The following CERT1 variants were observed in gnomAD, a reference collection of about 807,000 sequenced individuals.
The protein encoded by CERT1 is ceramide transfer protein.
A neutral mutation model predicts 87.9 loss-of-function variants in CERT1; 31 were observed. That is an observed-to-expected ratio of 0.35 (90% confidence interval 0.27 to 0.48). CERT1 has a LOEUF of 0.48. Ranked by LOEUF, CERT1 falls within the 20% of genes least tolerant of loss-of-function variation. The probability of loss-of-function intolerance (pLI) is 0.99; values close to 1 mark genes in which losing one functional copy is unlikely to be tolerated. For missense variants in CERT1, 487 were observed against 758.0 expected (o/e 0.64, Z 4.20); for synonymous variants, 289 against 250.9 (o/e 1.15, Z -1.44).
intron 2 of CERT1, among the ~76,000 whole-genome samples, chr5:75,479,234 T>G (rs1228051342): frequency 6.6e-6 from 1 of 152,174 alleles, no homozygotes; most frequent in Non-Finnish European, 1.5e-5. Flanking sequence ...GGGTGAGGCA[T>G]CATAAATAAT....
intron 3 of CERT1, among the ~76,000 whole-genome samples, chr5:75,427,851 C>G (rs1049028275): frequency 6.6e-6 from 1 of 151,846 alleles, no homozygotes; most frequent in Admixed American, 6.6e-5. Flanking sequence ...AACAAAGGAA[C>G]AAAAAGCTAC....
intron 11 of CERT1, among the ~76,000 whole-genome samples, chr5:75,390,367 CA>C (rs1216021795): frequency 1.3e-5 from 2 of 152,032 alleles, no homozygotes; most frequent in Non-Finnish European, 2.9e-5. Context: ...ATTTTGGGGA[CA>C]ATGCTAATAT....
chr5:75,423,571 T>TAA (rs1763478206), intron 5 of CERT1, among the ~76,000 whole-genome samples: 1 of 152,072 alleles, frequency 6.6e-6, no homozygotes, highest in Admixed American at 6.6e-5. Context: ...CGAGACCTCA[T>TAA]CTCTACAAAA....
chr5:75,410,897 A>G, intron 8 of CERT1, 114 bp downstream of exon 8: 1 of 511,062 alleles, frequency 2.0e-6, no homozygotes, highest in Non-Finnish European at 3.3e-6. Context: ...ATAAACACTG[A>G]GGAAAAAATT....
chr5:75,385,548 G>A (rs1235922305), intron 13 of CERT1, among the ~76,000 whole-genome samples: 1 of 152,228 alleles, frequency 6.6e-6, no homozygotes, highest in East Asian at 1.9e-4. Flanking sequence ...TTAGGAAAGA[G>A]TAGATGATGA....
chr5:75,407,955 A>G (rs1762782793), intron 8 of CERT1, among the ~76,000 whole-genome samples: 1 of 151,582 alleles, frequency 6.6e-6, no homozygotes, highest in African/African-American at 2.4e-5. Context: ...GTATAGTACA[A>G]TAGTGTTAAT....
intron 3 of CERT1, among the ~76,000 whole-genome samples, chr5:75,427,071 G>A (rs568450406): frequency 2.6e-5 from 4 of 152,150 alleles, no homozygotes; most frequent in Admixed American, 6.5e-5. Context: ...TAACCACCTC[G>A]ACAGTTCATG....
rs143750006 is a variant in CERT1, at chr5:75,444,075, T to C, written c.348+14990A>G. 4.0e-4 allele frequency among the ~76,000 whole-genome samples: 61 copies of C among 152,294 alleles called. 1 individual carries two copies. The highest frequency in any genetic ancestry group is 2.0e-3 in the Admixed American group (31 of 15,292). Reference sequence around the variant, plus strand: ...TAGACAGCATATAGTTGATCATTTTTTTTGTTTGTTTTTGCTGTCACCCAG... The same window carrying C: ...TAGACAGCATATAGTTGATCATTTTCTTTGTTTGTTTTTGCTGTCACCCAG... On this transcript the variant is annotated intron_variant, in intron 3 of 16. Transcript: ENST00000643780.
Position 75,379,236 on chromosome 5 carries a change from C to G in CERT1, c.*110G>C. On this transcript the variant is annotated 3_prime_UTR_variant, in exon 17 of 17. Coordinates refer to ENST00000643780, the MANE Select transcript of CERT1 (RefSeq NM_001379029.1). ...AACGAAACAATACTCTATAGGGGAA[C>G]ATCAAAAAACATAGTAAATACTTTC... 1.0e-6 allele frequency: 1 copy of G among 975,232 alleles called. No individual in the cohort carries two copies. The highest frequency in any genetic ancestry group is 2.4e-5 in the East Asian group (1 of 40,894). 60.4% of individuals were successfully genotyped at this position (975,232 alleles called of 1,614,324 possible).
intron 9 of CERT1, chr5:75,401,535 G>T (rs1304591448): frequency 6.6e-6 from 1 of 151,936 alleles, no homozygotes; most frequent in Non-Finnish European, 1.5e-5. Flanking sequence ...AAAAACTAAG[G>T]GAAACAAATA....
Position 75,511,198 on chromosome 5 carries a change from T to G in CERT1, c.10A>C (p.Asn4His), listed in dbSNP as rs774840621. The change falls in exon 1 of 17, where the codon AAT (asparagine) becomes CAT (histidine). Residue 4 changes from asparagine to histidine, a missense_variant. This residue lies in a region of CERT1 where 173 missense variants were observed against 302.2 expected (regional missense o/e 0.57). Coordinates refer to ENST00000643780, the MANE Select transcript of CERT1 (RefSeq NM_001379029.1). MSD[N>H]QSWNSSGSEE... ...GAGCCCGACGAGTTCCAGCTCTGAT[T>G]ATCCGACATGGAGGCTCGACAACCG... is the stretch of plus-strand genomic sequence containing the variant. 6.2e-7 allele frequency: 1 copy of G among 1,613,080 alleles called. No homozygotes were observed. Among genetic ancestry groups the G allele is most frequent in the Non-Finnish European group, 8.5e-7 (1 of 1,179,882 alleles).
intron 2 of CERT1, among the ~76,000 whole-genome samples, chr5:75,466,709 C>G (rs1765470206): frequency 6.6e-6 from 1 of 152,194 alleles, no homozygotes; most frequent in Admixed American, 6.5e-5. Context: ...CAGCAGGCAG[C>G]AACTTTTCTT....
chr5:75,480,712 C>A (rs1766199074), intron 2 of CERT1, among the ~76,000 whole-genome samples: 1 of 152,282 alleles, frequency 6.6e-6, no homozygotes, highest in African/African-American at 2.4e-5. Flanking sequence ...AAGAAGGCTT[C>A]CACATTTCTG....
chr5:75,468,676 T>C (rs1019864265), intron 2 of CERT1, among the ~76,000 whole-genome samples: 1 of 152,200 alleles, frequency 6.6e-6, no homozygotes, highest in African/African-American at 2.4e-5. Context: ...CCAGCCGTGG[T>C]AACAACAGAT....
chr5:75,379,532 G>C (rs1439389204), intron 16 of CERT1, 59 bp from the exon 17 acceptor site: 8 of 1,462,170 alleles, frequency 5.5e-6, no homozygotes, highest in Non-Finnish European at 7.5e-6. Flanking sequence ...CATATGTGAA[G>C]CACTTAATTT....
Position 75,389,693 on chromosome 5 carries a change from GA to G in CERT1, c.1189-7del, listed in dbSNP as rs1415451334. ...TTCTGCACCATCTCTTCAACCTTGA[GA>G]AGGGAGGAAAAAGGCATGAGAATCC... On this transcript the variant is annotated splice_region_variant and splice_polypyrimidine_tract_variant and intron_variant, in intron 11 of 16. Transcript: ENST00000643780. 2 of 1,610,192 alleles carry G rather than the reference GA, an allele frequency of 1.2e-6. No individual in the cohort carries two copies. The highest frequency in any genetic ancestry group is 1.3e-5 in the African/African-American group (1 of 74,964).
chr5:75,445,064 T>C (rs372278278), intron 3 of CERT1, among the ~76,000 whole-genome samples: 1 of 152,200 alleles, frequency 6.6e-6, no homozygotes, highest in East Asian at 1.9e-4. Flanking sequence ...TGTCACAAAA[T>C]TACATCTTTA....
chr5:75,386,142 ATTTATAG>A, intron 12 of CERT1, 108 bp from the exon 13 acceptor site: 2 of 842,836 alleles, frequency 2.4e-6, no homozygotes, highest in Non-Finnish European at 3.3e-6. Flanking sequence ...ATGAAAGTCT[ATTTATAG>A]AACATATTCT....
chr5:75,433,448 T>C (rs116586482), intron 3 of CERT1, among the ~76,000 whole-genome samples: 2,491 of 152,320 alleles, frequency 0.016, 64 homozygotes, highest in African/African-American at 0.054. Flanking sequence ...TTAATTCCTT[T>C]TGTGGTTACT....
Sources: gnomAD v4.1 joint callset for allele counts (sites outside exome capture counted in the v4.1 genomes callset) on GRCh38, gnomAD v4.1.1 for gene constraint, gnomAD v4.1.1 regional missense constraint, MANE v1.5 for transcripts, NCBI Gene and HGNC (gene_info 2026-07-23, HGNC 2026-07-21) for gene names.